TENM2: variants seen among roughly 807,000 people sequenced by gnomAD.
TENM2 encodes the protein teneurin transmembrane protein 2, also known as teneurin-2.
TENM2 carries 52 observed loss-of-function variants against 245.2 expected under a neutral mutation model. The observed-to-expected ratio is 0.21, with a 90% CI of 0.17 to 0.27. The LOEUF (loss-of-function observed/expected upper bound fraction) is 0.27. Ranked by LOEUF, TENM2 falls within the 10% of genes least tolerant of loss-of-function variation. The pLI, the probability that TENM2 is intolerant of heterozygous loss-of-function variation, is 1.00. For missense variants in TENM2, 3,046 were observed against 3,666.8 expected (o/e 0.83, Z 4.37); for synonymous variants, 1,363 against 1,438.9 (o/e 0.95, Z 1.19).
At chr5:167,421,505 C>T (rs1763505108) in intron 2 of TENM2, among the ~76,000 whole-genome samples, 1 of 152,120 alleles carries the variant, frequency 6.6e-6, no homozygotes, top group Admixed American at 6.5e-5. Context: ...GGTGGCCCTC[C>T]TCTTTGAACT....
intron 2 of TENM2, among the ~76,000 whole-genome samples, chr5:167,707,467 T>A (rs1017312422): frequency 6.6e-6 from 1 of 152,200 alleles, no homozygotes; most frequent in African/African-American, 2.4e-5. Context: ...TGTGCTTTAT[T>A]GTCATATACA....
intron 2 of TENM2, among the ~76,000 whole-genome samples, chr5:167,638,151 G>C (rs1356777788): frequency 6.8e-6 from 1 of 146,552 alleles, no homozygotes; most frequent in Non-Finnish European, 1.5e-5. Flanking sequence ...GTGTCAGGGG[G>C]CATGCATACA....
the TENM2 span, among the ~76,000 whole-genome samples, chr5:167,122,184 C>A: frequency 6.6e-6 from 1 of 152,096 alleles, no homozygotes; most frequent in Non-Finnish European, 1.5e-5. Flanking sequence ...ATCCCTAGAA[C>A]CTTTGATTTT....
intron 23 of TENM2, among the ~76,000 whole-genome samples, chr5:168,225,343 C>T (rs768677069): frequency 9.1e-4 from 138 of 152,218 alleles, no homozygotes; most frequent in African/African-American, 3.0e-3. Flanking sequence ...GTCTCAAATG[C>T]GAGATTTTTA....
chr5:168,019,877 G>T (rs1785990424), intron 5 of TENM2, among the ~76,000 whole-genome samples: 1 of 152,196 alleles, frequency 6.6e-6, no homozygotes, highest in Admixed American at 6.5e-5. Context: ...GGCTTTAAAA[G>T]CACCCACTTC....
intron 2 of TENM2, among the ~76,000 whole-genome samples, chr5:167,685,559 A>G (rs1178719864): frequency 1.3e-5 from 2 of 152,134 alleles, no homozygotes; most frequent in African/African-American, 4.8e-5. Context: ...GTTCATTGAT[A>G]TATCAGTAGT....
the TENM2 span, among the ~76,000 whole-genome samples, chr5:167,128,541 G>A: frequency 6.7e-6 from 1 of 149,530 alleles, no homozygotes; most frequent in Non-Finnish European, 1.5e-5. Context: ...CCAGTCTAGT[G>A]TAGACTTTCA....
At chr5:167,766,443 C>T (rs1462050145) in intron 2 of TENM2, among the ~76,000 whole-genome samples, 3 of 152,110 alleles carry the variant, frequency 2.0e-5, no homozygotes, top group East Asian at 1.9e-4. Flanking sequence ...TAGAAGCCAT[C>T]GAAGGATGTT....
In TENM2 at chr5:167,754,728, C is replaced by CAA. The variant is rs10663941; in HGVS notation, c.503-121246_503-121245dup. ...GAACAAACCTTTTTAAGAGATATTT[C>CAA]AAAAAAAAAAAAAGTCTGTGTCAAA... On this transcript the variant is annotated intron_variant, in intron 2 of 28. Coordinates refer to ENST00000518659, the Ensembl canonical transcript of TENM2. Among the ~76,000 whole-genome samples, 455 of 145,148 alleles carry CAA rather than the reference C, an allele frequency of 3.1e-3. 12 individuals are homozygous for CAA. Among genetic ancestry groups the CAA allele is most frequent in the Middle Eastern group, 7.2e-3 (2 of 276 alleles).
rs111587891 is a variant in TENM2, at chr5:167,513,842, C to T, written c.502+138369C>T. Among the ~76,000 whole-genome samples the T allele has an allele frequency of 4.4e-3, 672 of 152,080 alleles. 9 individuals are homozygous for T. The highest frequency in any genetic ancestry group is 0.016 in the African/African-American group (642 of 41,360). On this transcript the variant is annotated intron_variant, in intron 2 of 28. Transcript: ENST00000518659. ...GACATCCTATTGTTAGCTGTGCTAT[C>T]GAGTTGGCGAGCAGTCATCATCCTG... is the stretch of plus-strand genomic sequence containing the variant.
the TENM2 span, among the ~76,000 whole-genome samples, chr5:167,176,238 C>T: frequency 7.9e-5 from 12 of 152,268 alleles, no homozygotes; most frequent in Admixed American, 7.2e-4. Context: ...TTTCTGAATG[C>T]GTCTTTTGTG....
the TENM2 span, among the ~76,000 whole-genome samples, chr5:167,102,976 T>A: frequency 6.6e-6 from 1 of 152,166 alleles, no homozygotes; most frequent in African/African-American, 2.4e-5. Context: ...TAGTAATTCC[T>A]TGTAACGATA....
intron 7 of TENM2, among the ~76,000 whole-genome samples, chr5:168,074,622 C>T (rs568799347): frequency 1.7e-4 from 26 of 152,238 alleles, no homozygotes; most frequent in African/African-American, 6.3e-4. Flanking sequence ...CTGTGGCTGG[C>T]CAGTCCCTCT....
intron 12 of TENM2, among the ~76,000 whole-genome samples, chr5:168,151,503 A>G (rs900536574): frequency 2.6e-5 from 4 of 152,234 alleles, no homozygotes; most frequent in Admixed American, 6.5e-5. Context: ...ATTATGTGCC[A>G]TGCATCATGG....
intron 1 of TENM2, among the ~76,000 whole-genome samples, chr5:167,298,538 A>G (rs1322693751): frequency 6.6e-6 from 1 of 152,234 alleles, no homozygotes; most frequent in Admixed American, 6.5e-5. Flanking sequence ...CAGGGGGCGG[A>G]GCCTGCAGTG....
chr5:167,741,988 C>G (rs1172948374), intron 2 of TENM2, among the ~76,000 whole-genome samples: 1 of 152,172 alleles, frequency 6.6e-6, no homozygotes, highest in Non-Finnish European at 1.5e-5. Context: ...CAGAGTCCAT[C>G]CCTTGTCATA....
At chr5:167,560,042 G>T (rs1408258421) in intron 2 of TENM2, among the ~76,000 whole-genome samples, 1 of 151,492 alleles carries the variant, frequency 6.6e-6, no homozygotes, top group Non-Finnish European at 1.5e-5. Flanking sequence ...CCGTACTGTT[G>T]TGCCTCACTT....
At chr5:167,143,877 G>T in the TENM2 span, among the ~76,000 whole-genome samples, 2 of 152,096 alleles carry the variant, frequency 1.3e-5, no homozygotes, top group African/African-American at 4.8e-5. Context: ...TTATATACGA[G>T]ATGCAGTTGA....
At chr5:167,515,650 C>CACATATATAAGTATATATGTATATATAT (rs1770304052) in intron 2 of TENM2, among the ~76,000 whole-genome samples, 1 of 128,054 alleles carries the variant, frequency 7.8e-6, no homozygotes, top group African/African-American at 3.0e-5. Flanking sequence ...TATATATATA[C>CACATATATAAGTATATATGTATATATAT]ACATATATAC....
Sources: gnomAD v4.1 joint callset for allele counts (sites outside exome capture counted in the v4.1 genomes callset) on GRCh38, gnomAD v4.1.1 for gene constraint, MANE v1.5 for transcripts, NCBI Gene and HGNC (gene_info 2026-07-23, HGNC 2026-07-21) for gene names.